The following PPIL4 variants were observed in gnomAD, a reference collection of about 807,000 sequenced individuals.
The protein encoded by PPIL4 is peptidylprolyl isomerase like 4.
PPIL4 carries 50 observed loss-of-function variants against 69.1 expected under a neutral mutation model. The ratio of observed to expected loss-of-function variants is 0.72; its 90% CI spans 0.58 to 0.92. The LOEUF (loss-of-function observed/expected upper bound fraction) is 0.92. Among genes scored for constraint, PPIL4 ranks in the 40% least tolerant of loss-of-function variants. The pLI is 0.00. For synonymous variants in PPIL4, 193 were observed against 191.6 expected (o/e 1.01, Z -0.06); for missense variants, 480 against 587.9 (o/e 0.82, Z 1.90).
At chr6:149,540,133 T>TA (rs1206482059) in intron 4 of PPIL4, among the ~76,000 whole-genome samples, 2 of 151,722 alleles carry the variant, frequency 1.3e-5, no homozygotes, top group East Asian at 3.9e-4. Context: ...TGTCTCTAAA[T>TA]AAATAAAATA....
chr6:149,516,763 T>A (rs1377866637), intron 11 of PPIL4, among the ~76,000 whole-genome samples: 1 of 152,158 alleles, frequency 6.6e-6, no homozygotes, highest in Non-Finnish European at 1.5e-5. Context: ...CAATAAATAT[T>A]TGTTGTTGAA....
chr6:149,523,586 G>T (rs1454405172), intron 9 of PPIL4, among the ~76,000 whole-genome samples: 4 of 152,042 alleles, frequency 2.6e-5, no homozygotes, highest in African/African-American at 9.7e-5. Context: ...AGCTACTTGG[G>T]ATGCTGAGGC....
intron 4 of PPIL4, among the ~76,000 whole-genome samples, chr6:149,536,735 T>A (rs1221338192): frequency 2.4e-5 from 3 of 126,052 alleles, no homozygotes; most frequent in African/African-American, 9.1e-5. Flanking sequence ...AATTACTCCA[T>A]CTCAAAAAAA....
chr6:149,541,160 C>A, intron 3 of PPIL4, 101 bp from the exon 4 acceptor site: 2 of 614,078 alleles, frequency 3.3e-6, no homozygotes, highest in South Asian at 3.9e-5. Context: ...ACAGAAATGC[C>A]AACAGAATTC....
chr6:149,538,453 C>A (rs567076372), intron 4 of PPIL4, among the ~76,000 whole-genome samples: 1 of 152,090 alleles, frequency 6.6e-6, no homozygotes, highest in South Asian at 2.1e-4. Context: ...TAGTGAGGCC[C>A]CATCTCTAAA....
chr6:149,536,738 CAAAA>C (rs750303522), intron 4 of PPIL4, among the ~76,000 whole-genome samples: 3 of 102,298 alleles, frequency 2.9e-5, no homozygotes, highest in Non-Finnish European at 2.2e-5. Flanking sequence ...TACTCCATCT[CAAAA>C]AAAAAAAAAA....
chr6:149,530,106 T>A (rs1161472844), intron 7 of PPIL4, among the ~76,000 whole-genome samples: 1 of 152,196 alleles, frequency 6.6e-6, no homozygotes, highest in African/African-American at 2.4e-5. Flanking sequence ...TTCCACCGAA[T>A]GTACAACACA....
chr6:149,510,645 G>C (rs1391336270), intron 12 of PPIL4, among the ~76,000 whole-genome samples: 3 of 152,056 alleles, frequency 2.0e-5, no homozygotes, highest in Non-Finnish European at 4.4e-5. Context: ...GGGAGGCTGA[G>C]GCAGGAGAAT....
At chr6:149,518,503 T>C (rs912979217) in intron 10 of PPIL4, among the ~76,000 whole-genome samples, 1 of 152,156 alleles carries the variant, frequency 6.6e-6, no homozygotes, top group African/African-American at 2.4e-5. Flanking sequence ...GAGAATCCTA[T>C]GTGTACCTTG....
intron 9 of PPIL4, among the ~76,000 whole-genome samples, chr6:149,522,869 C>T (rs2115032671): frequency 6.6e-6 from 1 of 152,222 alleles, no homozygotes; most frequent in East Asian, 1.9e-4. Context: ...CCTCGGCCTC[C>T]CAAAGTGCTG....
chr6:149,517,298 T>C (rs775538330), intron 11 of PPIL4, 56 bp downstream of exon 11: 1 of 948,818 alleles, frequency 1.1e-6, no homozygotes, highest in East Asian at 2.4e-5. Context: ...CACACAGTAC[T>C]CTACACATAG....
At chr6:149,543,203 A>G (rs1777389601) in intron 1 of PPIL4, among the ~76,000 whole-genome samples, 1 of 152,202 alleles carries the variant, frequency 6.6e-6, no homozygotes, top group Non-Finnish European at 1.5e-5. Flanking sequence ...GAAAGTACAC[A>G]CTATCTTATA....
At position 149,545,976 on chromosome 6, in the gene PPIL4, G is replaced by C. The variant is rs961635455; in HGVS notation, c.30C>G (p.Gly10=). MAVLLETTL[G]DVVIDLYTEE... ...CGGTGTACAAGTCGATGACGACGTC[G>C]CCTAAAGTGGTCTCCAGTAGAACCG... is the stretch of plus-strand genomic sequence containing the variant. The change falls in exon 1 of 13, where the codon GGC becomes GGG. Residue 10 remains glycine, a synonymous_variant. Transcript: ENST00000253329. 7 of 1,587,640 alleles carry C rather than the reference G, an allele frequency of 4.4e-6. No homozygotes were observed. The highest frequency in any genetic ancestry group is 5.2e-6 in the Non-Finnish European group (6 of 1,164,394).
chr6:149,515,526 A>G (rs1776931091), intron 11 of PPIL4, among the ~76,000 whole-genome samples: 1 of 152,198 alleles, frequency 6.6e-6, no homozygotes, highest in African/African-American at 2.4e-5. Flanking sequence ...GCAATAATTT[A>G]GACGTATTTA....
chr6:149,505,713 G>T lies in PPIL4; in HGVS notation c.1228-9C>A. On this transcript the variant is annotated splice_polypyrimidine_tract_variant and intron_variant, in intron 12 of 12. Coordinates refer to ENST00000253329, the MANE Select transcript of PPIL4 (RefSeq NM_139126.4). ...ATTTCTCTATAGATATCCTGTCAAA[G>T]GAAGGGGGAATTACAAGTGAATCAG... 3 of 1,602,432 alleles carry T rather than the reference G, an allele frequency of 1.9e-6. No homozygotes were observed. The highest frequency in any genetic ancestry group is 2.6e-6 in the Non-Finnish European group (3 of 1,174,588).
In PPIL4 at chr6:149,541,498, G is replaced by T. The variant is rs768089236; in HGVS notation, c.138+21C>A. On this transcript the variant is annotated intron_variant, in intron 2 of 12. Coordinates refer to ENST00000253329, the MANE Select transcript of PPIL4 (RefSeq NM_139126.4). ...AGATAGTTCCAATAACAAAGGAAAT[G>T]ACTAATATCTACCAACTCACCTGTA... 2.0e-6 allele frequency: 3 copies of T among 1,527,906 alleles called. No individual in the cohort carries two copies. The South Asian group carries it at 3.4e-5, about 17-fold the overall frequency. 94.6% of individuals were successfully genotyped at this position (1,527,906 alleles called of 1,614,324 possible). A position where few individuals can be genotyped will look rare whatever the true frequency, so the allele number is the denominator to read the frequency against.
intron 7 of PPIL4, among the ~76,000 whole-genome samples, chr6:149,532,697 T>C (rs1777217252): frequency 6.6e-6 from 1 of 152,158 alleles, no homozygotes; most frequent in Admixed American, 6.5e-5. Flanking sequence ...GACTGTGGTC[T>C]CAGCAACTCA....
At chr6:149,506,426 T>G (rs1190846310) in intron 12 of PPIL4, among the ~76,000 whole-genome samples, 3 of 152,128 alleles carry the variant, frequency 2.0e-5, no homozygotes, top group Non-Finnish European at 4.4e-5. Context: ...GAGCCAAGAT[T>G]GCCCCACTGC....
intron 8 of PPIL4, among the ~76,000 whole-genome samples, chr6:149,526,161 TATA>T (rs1195557091): frequency 1.3e-5 from 2 of 152,002 alleles, no homozygotes; most frequent in Non-Finnish European, 2.9e-5. Flanking sequence ...AAACCCTAAA[TATA>T]ATACTTTTTA....
Sources: allele counts gnomAD v4.1 joint callset (sites outside exome capture counted in the v4.1 genomes callset), GRCh38; gene constraint gnomAD v4.1.1; transcripts MANE v1.5; gene names NCBI Gene and HGNC (gene_info 2026-07-23, HGNC 2026-07-21).